CDKL2: variants seen among roughly 807,000 people sequenced by gnomAD.
CDKL2 encodes the protein cyclin dependent kinase like 2.
In CDKL2, 64 loss-of-function variants were observed where a neutral mutation model predicts 63.9. That is an observed-to-expected ratio of 1.00 (90% confidence interval 0.82 to 1.23). The LOEUF is 1.23. CDKL2 is among the 50% of genes most tolerant of loss of function. CDKL2 has a pLI of 0.00. For synonymous variants in CDKL2, 211 were observed against 229.2 expected (o/e 0.92, Z 0.72); for missense variants, 656 against 668.0 (o/e 0.98, Z 0.20).
At chr4:75,584,424 G>A (rs2867918) in intron 12 of CDKL2, among the ~76,000 whole-genome samples, 18,885 of 152,178 alleles carry the variant, frequency 0.12, 1,438 homozygotes, top group Non-Finnish European at 0.17. Context: ...AGTGAACCTG[G>A]AAATGGTTTC....
intron 3 of CDKL2, among the ~76,000 whole-genome samples, chr4:75,610,610 A>G (rs1374668630): frequency 1.3e-5 from 2 of 152,166 alleles, no homozygotes; most frequent in Non-Finnish European, 2.9e-5. Flanking sequence ...GTTCTGTACT[A>G]TTTGGGTCAA....
At chr4:75,584,757 T>C (rs1018819613) in intron 12 of CDKL2, among the ~76,000 whole-genome samples, 2 of 152,190 alleles carry the variant, frequency 1.3e-5, no homozygotes, top group African/African-American at 4.8e-5. Context: ...GGACAATTCA[T>C]GTCCTGAGCA....
intron 7 of CDKL2, among the ~76,000 whole-genome samples, chr4:75,599,548 CAAAAAAAAAA>C (rs71657365): frequency 7.2e-5 from 5 of 69,656 alleles, no homozygotes; most frequent in Admixed American, 2.1e-4. Context: ...GCAACAAGAG[CAAAAAAAAAA>C]AAAAAAAAAA....
chr4:75,602,987 C>CTTTTTT (rs1165939407), intron 6 of CDKL2, among the ~76,000 whole-genome samples: 21 of 87,468 alleles, frequency 2.4e-4, no homozygotes, highest in African/African-American at 3.2e-4. Context: ...TAAATGGTTT[C>CTTTTTT]TTTTTTTTTT....
intron 9 of CDKL2, 40 bp downstream of exon 9, chr4:75,596,895 T>C: frequency 6.5e-7 from 1 of 1,533,490 alleles, no homozygotes; most frequent in Non-Finnish European, 8.9e-7. Flanking sequence ...TGCAAATATG[T>C]CCTTAAACAC....
At position 75,585,124 on chromosome 4, in the gene CDKL2, G is replaced by A. The variant is rs79361888; in HGVS notation, c.1648-3226C>T. On this transcript the variant is annotated intron_variant, in intron 12 of 13. Transcript: ENST00000307465. ...AACAAGATTTACTATGCAAACATAC[G>A]TATAAGAAGTTTGGAATGGCTATTT... Among the ~76,000 whole-genome samples, 438 of 152,232 alleles carry A rather than the reference G, an allele frequency of 2.9e-3. 2 individuals carry two copies. The highest frequency in any genetic ancestry group is 9.4e-3 in the African/African-American group (392 of 41,538).
intron 5 of CDKL2, among the ~76,000 whole-genome samples, chr4:75,604,833 G>A (rs548193519): frequency 1.1e-4 from 16 of 152,178 alleles, no homozygotes; most frequent in Admixed American, 1.3e-4. Context: ...GGATGTGAGC[G>A]TGATTAAGAA....
At chr4:75,622,720 A>C (rs1215135782) in intron 2 of CDKL2, among the ~76,000 whole-genome samples, 1 of 146,272 alleles carries the variant, frequency 6.8e-6, no homozygotes, top group African/African-American at 2.5e-5. Flanking sequence ...TCCATCAAAA[A>C]AAAAAAAAAA....
chr4:75,612,137 A>C (rs1729730012), intron 3 of CDKL2, among the ~76,000 whole-genome samples: 1 of 149,462 alleles, frequency 6.7e-6, no homozygotes. Flanking sequence ...TGCCCGGCTA[A>C]TTTTTTTATA....
chr4:75,610,371 C>T (rs1201097388), intron 3 of CDKL2, among the ~76,000 whole-genome samples: 2 of 152,060 alleles, frequency 1.3e-5, no homozygotes, highest in Non-Finnish European at 2.9e-5. Flanking sequence ...TTCTTCCCAA[C>T]TCTAATACCT....
chr4:75,595,673 T>G (rs1728882311), intron 10 of CDKL2, among the ~76,000 whole-genome samples: 1 of 152,152 alleles, frequency 6.6e-6, no homozygotes, highest in South Asian at 2.1e-4. Context: ...GGCTCACACC[T>G]GTAATCCCAG....
chr4:75,626,405 G>A (rs1343961239), intron 1 of CDKL2, among the ~76,000 whole-genome samples: 6 of 151,810 alleles, frequency 4.0e-5, no homozygotes, highest in Non-Finnish European at 7.4e-5. Context: ...AGTGGCTCAC[G>A]CCTGTAATCC....
At chr4:75,606,545 T>C (rs1247616132) in intron 4 of CDKL2, among the ~76,000 whole-genome samples, 1 of 152,158 alleles carries the variant, frequency 6.6e-6, no homozygotes, top group Non-Finnish European at 1.5e-5. Flanking sequence ...ATCTTAAAAA[T>C]CAGTTACAAG....
intron 8 of CDKL2, 128 bp from the exon 9 acceptor site, chr4:75,597,364 T>C: frequency 1.6e-6 from 1 of 635,620 alleles, no homozygotes; most frequent in South Asian, 2.1e-5. Flanking sequence ...CTGTTTTCTT[T>C]ATTCTTCCTA....
At chr4:75,612,899 C>T (rs544014283) in intron 3 of CDKL2, among the ~76,000 whole-genome samples, 1 of 152,238 alleles carries the variant, frequency 6.6e-6, no homozygotes, top group Non-Finnish European at 1.5e-5. Flanking sequence ...CCAAGGCAGG[C>T]GGATCACGAG....
rs1560568834 is a variant in CDKL2, at chr4:75,579,180, T to A, written c.*24-2A>T. The A allele has an allele frequency of 6.6e-6, 1 of 152,248 alleles. No homozygotes were observed. The highest frequency in any genetic ancestry group is 1.5e-5 in the Non-Finnish European group (1 of 68,044). 9.4% of individuals were successfully genotyped at this position (152,248 alleles called of 1,614,324 possible). A position where few individuals can be genotyped will look rare whatever the true frequency, so the allele number is the denominator to read the frequency against. ...TCATCTCAAGTGCAAGAGCATCATC[T>A]AAAAGCACAGGAGGATATACCACCA... On this transcript the variant is annotated splice_acceptor_variant, in intron 13 of 13. Coordinates refer to ENST00000307465, the MANE Select transcript of CDKL2 (RefSeq NM_001330724.2). LOFTEE classifies it low-confidence loss of function (3UTR_SPLICE).
rs751157714 is a variant in CDKL2, at chr4:75,607,255, A to G, written c.470T>C (p.Val157Ala). The G allele has an allele frequency of 6.2e-7, 1 of 1,613,168 alleles. No individual in the cohort carries two copies. The highest frequency in any genetic ancestry group is 8.5e-7 in the Non-Finnish European group (1 of 1,179,766). Residue 157 changes from valine (V) to alanine (A), a missense_variant, in exon 4 of 14, where the codon GTT (valine) becomes GCT (alanine). By Grantham distance (64) the Val-to-Ala change is moderately conservative (BLOSUM62 0). Transcript: ENST00000307465. ...TCGGGTTGCCACATAATCAGTATAA[A>G]CCTCCCCAGGAGCTGCCAATGTTCG... is the stretch of plus-strand genomic sequence containing the variant. ...FARTLAAPGE[V>A]YTDYVATRWY...
chr4:75,596,029 G>GAAGA (rs200937929), intron 10 of CDKL2: 100 of 47,620 alleles, frequency 2.1e-3, no homozygotes, highest in Non-Finnish European at 3.0e-3. Flanking sequence ...AGGAAGGAAG[G>GAAGA]AAGAAAGGAA....
chr4:75,600,038 G>A (rs767401264), intron 7 of CDKL2, among the ~76,000 whole-genome samples: 6 of 152,158 alleles, frequency 3.9e-5, no homozygotes, highest in Non-Finnish European at 8.8e-5. Context: ...CGTCACCACA[G>A]GGAGACAGAA....
Sources: gnomAD v4.1 joint callset for allele counts (sites outside exome capture counted in the v4.1 genomes callset) on GRCh38, gnomAD v4.1.1 for gene constraint, MANE v1.5 for transcripts, NCBI Gene and HGNC (gene_info 2026-07-23, HGNC 2026-07-21) for gene names.